Variants in RAB39A observed in about 807,000 individuals in gnomAD.
RAB39A encodes the protein ras-related protein Rab-39A.
Under a neutral mutation model 20.9 loss-of-function variants are expected in RAB39A, and 17 were observed. That is an observed-to-expected ratio of 0.81 (90% CI 0.56 to 1.22). The LOEUF (loss-of-function observed/expected upper bound fraction) is 1.22, where lower values mean the gene tolerates loss of function less well. Ranked by LOEUF, RAB39A falls within the 50% of genes most tolerant of loss-of-function variation. RAB39A has a pLI of 0.00. For missense variants in RAB39A, 234 were observed against 270.5 expected (o/e 0.87, Z 0.95); for synonymous variants, 99 against 103.4 (o/e 0.96, Z 0.26).
At chr11:107,950,799 CAT>C (rs1328497208) in intron 1 of RAB39A, among the ~76,000 whole-genome samples, 4 of 150,746 alleles carry the variant, frequency 2.7e-5, no homozygotes, top group Non-Finnish European at 5.9e-5. Flanking sequence ...TCCTTGCTCT[CAT>C]AGAGCTTATC....
chr11:107,941,100 C>T (rs182666758), intron 1 of RAB39A, among the ~76,000 whole-genome samples: 7 of 151,846 alleles, frequency 4.6e-5, no homozygotes, highest in African/African-American at 1.2e-4. Context: ...ATAGGCATTG[C>T]GTATCATTTT....
At chr11:107,955,777 G>A (rs113093617) in intron 1 of RAB39A, among the ~76,000 whole-genome samples, 11,862 of 152,108 alleles carry the variant, frequency 0.078, 548 homozygotes, top group African/African-American at 0.14. Flanking sequence ...GGTGGAGGTT[G>A]TGGTGAGCCG....
chr11:107,962,480 A>T lies in RAB39A; in HGVS notation c.*108A>T. On this transcript the variant is annotated 3_prime_UTR_variant, in exon 2 of 2. Transcript: ENST00000320578. ...ATGAAAGAATTTAAAAAGGTTACAA[A>T]CCCACACCAATACTATTTTATAAGG... The T allele has an allele frequency of 3.9e-6, 4 of 1,018,794 alleles. No homozygotes were observed. Among genetic ancestry groups the T allele is most frequent in the Non-Finnish European group, 5.6e-6 (4 of 711,208 alleles). The allele number at this position is 1,018,794 out of a possible 1,614,324, so 63.1% of individuals were successfully genotyped here.
intron 1 of RAB39A, among the ~76,000 whole-genome samples, chr11:107,958,457 A>C (rs1387529010): frequency 6.6e-6 from 1 of 152,180 alleles, no homozygotes; most frequent in Non-Finnish European, 1.5e-5. Context: ...CCTGCCTTTC[A>C]GTTCAAGTTT....
At chr11:107,929,720 TA>T (rs1017021519) in intron 1 of RAB39A, among the ~76,000 whole-genome samples, 3 of 152,170 alleles carry the variant, frequency 2.0e-5, no homozygotes, top group Non-Finnish European at 4.4e-5. Flanking sequence ...GCGACTTGTG[TA>T]AATAAAAAGT....
At chr11:107,953,287 C>G (rs1010652009) in intron 1 of RAB39A, among the ~76,000 whole-genome samples, 1 of 152,012 alleles carries the variant, frequency 6.6e-6, no homozygotes, top group Non-Finnish European at 1.5e-5. Flanking sequence ...CTTACAAAGT[C>G]TATGTTGACT....
intron 1 of RAB39A, among the ~76,000 whole-genome samples, chr11:107,953,166 C>A (rs888245010): frequency 6.6e-6 from 1 of 152,150 alleles, no homozygotes; most frequent in African/African-American, 2.4e-5. Flanking sequence ...GAGGGTAGAT[C>A]TCATGCTATG....
intron 1 of RAB39A, among the ~76,000 whole-genome samples, chr11:107,946,320 A>G (rs1861307347): frequency 1.0e-5 from 1 of 97,158 alleles, no homozygotes; most frequent in Non-Finnish European, 2.4e-5. Context: ...ATATATATAT[A>G]TATATACACA....
intron 1 of RAB39A, among the ~76,000 whole-genome samples, chr11:107,955,373 G>A (rs1861423652): frequency 6.6e-6 from 1 of 152,090 alleles, no homozygotes; most frequent in Non-Finnish European, 1.5e-5. Flanking sequence ...GAGCATTCCA[G>A]GCTGCTAGAG....
chr11:107,940,921 C>G (rs1437216227), intron 1 of RAB39A, among the ~76,000 whole-genome samples: 1 of 151,786 alleles, frequency 6.6e-6, no homozygotes, highest in Non-Finnish European at 1.5e-5. Context: ...TGCAGAGAGC[C>G]GAGATCACGC....
chr11:107,944,089 C>T (rs573219090), intron 1 of RAB39A, among the ~76,000 whole-genome samples: 1 of 149,456 alleles, frequency 6.7e-6, no homozygotes, highest in East Asian at 1.9e-4. Flanking sequence ...AGTGAGACTC[C>T]ATCTCAAAAA....
intron 1 of RAB39A, among the ~76,000 whole-genome samples, chr11:107,929,494 G>T (rs992402691): frequency 3.3e-5 from 5 of 152,020 alleles, no homozygotes; most frequent in Non-Finnish European, 7.4e-5. Context: ...GGGTGTGTGT[G>T]TGTGTGTGTG....
At chr11:107,946,353 C>T (rs11212449) in intron 1 of RAB39A, among the ~76,000 whole-genome samples, 9 of 130,096 alleles carry the variant, frequency 6.9e-5, no homozygotes, top group African/African-American at 2.8e-4. Flanking sequence ...CATATATATA[C>T]ACACACACAT....
chr11:107,947,854 C>T (rs1305611802), intron 1 of RAB39A, among the ~76,000 whole-genome samples: 1 of 146,456 alleles, frequency 6.8e-6, no homozygotes, highest in Admixed American at 6.9e-5. Flanking sequence ...AGCAAATTCT[C>T]TGTCTTGCCA....
chr11:107,938,499 G>A (rs1861222779), intron 1 of RAB39A, among the ~76,000 whole-genome samples: 1 of 149,650 alleles, frequency 6.7e-6, no homozygotes, highest in Non-Finnish European at 1.5e-5. Flanking sequence ...AGAGGCCAAA[G>A]CGAGTGGATC....
At chr11:107,946,386 G>GT (rs1344767989) in intron 1 of RAB39A, among the ~76,000 whole-genome samples, 172 of 88,868 alleles carry the variant, frequency 1.9e-3, no homozygotes, top group Middle Eastern at 6.0e-3. Context: ...ATATATATGT[G>GT]GGTGTATATA....
intron 1 of RAB39A, among the ~76,000 whole-genome samples, chr11:107,949,370 A>G (rs1329305259): frequency 6.6e-6 from 1 of 152,184 alleles, no homozygotes; most frequent in Non-Finnish European, 1.5e-5. Context: ...TAAAAGCTGA[A>G]TAATTTCAGA....
chr11:107,960,389 G>A (rs549480701), intron 1 of RAB39A, among the ~76,000 whole-genome samples: 89 of 152,284 alleles, frequency 5.8e-4, no homozygotes, highest in Admixed American at 1.4e-3. Flanking sequence ...AGAGGTGAGT[G>A]GCAGGGAAGG....
chr11:107,929,624 GATA>G (rs766572150), intron 1 of RAB39A, among the ~76,000 whole-genome samples: 15 of 152,248 alleles, frequency 9.9e-5, no homozygotes, highest in Admixed American at 2.0e-4. Context: ...GTTCCAGGGT[GATA>G]ATATTTCTAA....
Sources: gnomAD v4.1 joint callset for allele counts (sites outside exome capture counted in the v4.1 genomes callset) on GRCh38, gnomAD v4.1.1 for gene constraint, MANE v1.5 for transcripts, NCBI Gene and HGNC (gene_info 2026-07-23, HGNC 2026-07-21) for gene names.